Variants in DPP9 observed in about 807,000 individuals in gnomAD.
DPP9 encodes the protein dipeptidyl peptidase IV-related protein-2.
DPP9 carries 50 observed loss-of-function variants against 110.7 expected under a neutral mutation model. The ratio of observed to expected loss-of-function variants is 0.45; its 90% CI spans 0.36 to 0.57. The LOEUF (loss-of-function observed/expected upper bound fraction) is 0.57. DPP9 is among the 20% of genes least tolerant of loss of function. The pLI is 0.00. For synonymous variants in DPP9, 561 were observed against 514.4 expected (o/e 1.09, Z -1.23); for missense variants, 1,022 against 1,217.9 (o/e 0.84, Z 2.39).
At position 4,694,953 on chromosome 19, in the gene DPP9, C is replaced by G. The variant is rs2091662477; in HGVS notation, c.1354-130G>C. 4 of 819,150 alleles carry G rather than the reference C, an allele frequency of 4.9e-6. No individual in the cohort carries two copies. The highest frequency in any genetic ancestry group is 7.6e-6 in the Non-Finnish European group (4 of 524,268). The allele number at this position is 819,150 out of a possible 1,614,324, so 50.7% of individuals were successfully genotyped here. A position where few individuals can be genotyped will look rare whatever the true frequency, so the allele number is the denominator to read the frequency against. On this transcript the variant is annotated intron_variant, in intron 12 of 21. Transcript: ENST00000262960. This position sits in a 1 kb window ranked among gnomAD's most constrained non-coding sequence, Gnocchi z 4.0. ...GCTTGAGCCCAGGAATTTCAGAGACCAGCCTGGACAACATAGTAAGACCCC... is the reference window on the plus strand; with the variant it reads ...GCTTGAGCCCAGGAATTTCAGAGACGAGCCTGGACAACATAGTAAGACCCC...
chr19:4,681,517 G>A (rs983114494), intron 20 of DPP9, among the ~76,000 whole-genome samples: 3 of 151,506 alleles, frequency 2.0e-5, no homozygotes, highest in South Asian at 2.1e-4. Context: ...GGGTTTCACC[G>A]TGTTGGCTAG....
intron 16 of DPP9, among the ~76,000 whole-genome samples, chr19:4,686,343 G>A (rs2090717724): frequency 1.4e-5 from 2 of 141,192 alleles, no homozygotes; most frequent in African/African-American, 5.4e-5. Context: ...TTTTTGAGAC[G>A]GAGTCTCACT....
intron 18 of DPP9, 87 bp from the exon 19 acceptor site, chr19:4,683,716 C>A: frequency 6.2e-7 from 1 of 1,611,810 alleles, no homozygotes; most frequent in Non-Finnish European, 8.5e-7. Context: ...TTCAGGGCGT[C>A]TCTCCCTCTT....
chr19:4,717,749 G>A (rs528194839), intron 3 of DPP9: 21 of 152,368 alleles, frequency 1.4e-4, no homozygotes, highest in Admixed American at 1.0e-3. Flanking sequence ...CAGACAGGCC[G>A]AGGCTTGGTG....
At chr19:4,696,088 A>T (rs2091777997) in intron 11 of DPP9, among the ~76,000 whole-genome samples, 1 of 151,928 alleles carries the variant, frequency 6.6e-6, no homozygotes, top group African/African-American at 2.4e-5. Flanking sequence ...TTTAGTAGAG[A>T]CAAGGTTTCA....
chr19:4,707,065 T>C (rs1050369476), intron 4 of DPP9, among the ~76,000 whole-genome samples: 1 of 152,168 alleles, frequency 6.6e-6, no homozygotes, highest in Non-Finnish European at 1.5e-5. Context: ...ACTGATTTAA[T>C]CGAAGCTTCT....
rs1488275355 is a variant in DPP9, at chr19:4,682,173, C to T, written c.2474+523G>A. Among the ~76,000 whole-genome samples the T allele has an allele frequency of 6.6e-6, 1 of 152,062 alleles. No homozygotes were observed. The highest frequency in any genetic ancestry group is 2.4e-5 in the African/African-American group (1 of 41,406). On this transcript the variant is annotated intron_variant, in intron 20 of 21. Transcript: ENST00000262960. This position sits in a 1 kb window ranked among gnomAD's most constrained non-coding sequence, Gnocchi z 7.1. The stretch of plus-strand genomic sequence containing the variant: ...CATGCCCAGGCAGATTTTTAACCCC[C>T]TAGGTGACTGCATGGGATTCCGGGG...
At chr19:4,686,174 G>A (rs996658638) in intron 16 of DPP9, among the ~76,000 whole-genome samples, 5 of 150,300 alleles carry the variant, frequency 3.3e-5, no homozygotes, top group African/African-American at 7.4e-5. Flanking sequence ...TGCAACCTCC[G>A]CCTTCCTGGG....
intron 13 of DPP9, 96 bp from the exon 14 acceptor site, chr19:4,691,053 T>C: frequency 2.2e-6 from 2 of 904,776 alleles, no homozygotes; most frequent in Non-Finnish European, 3.5e-6. Flanking sequence ...AGACTCACCA[T>C]GGAGCCACTG....
Position 4,684,638 on chromosome 19 carries a change from CAGAG to C in DPP9, c.2178+21_2178+24del. 6.2e-7 allele frequency: 1 copy of C among 1,612,494 alleles called. No homozygotes were observed. The highest frequency in any genetic ancestry group is 8.5e-7 in the Non-Finnish European group (1 of 1,179,370). On this transcript the variant is annotated intron_variant, in intron 18 of 21. Coordinates refer to ENST00000262960, the MANE Select transcript of DPP9 (RefSeq NM_139159.5). This position sits in a 1 kb window ranked among gnomAD's most constrained non-coding sequence, Gnocchi z 4.8. ...CTCCCTTCCCGAGACCCAAAGGACC[CAGAG>C]CAACAGGGAGGAGTTGTTACCATTT...
intron 15 of DPP9, 87 bp from the exon 16 acceptor site, chr19:4,688,979 C>T (rs2091059283): frequency 1.5e-6 from 2 of 1,372,890 alleles, no homozygotes; most frequent in Non-Finnish European, 1.9e-6. Flanking sequence ...GGTAGCTTCC[C>T]TCCCGCCCGC....
chr19:4,720,006 T>A (rs1353235011), intron 2 of DPP9, 65 bp from the exon 3 acceptor site: 1 of 1,370,682 alleles, frequency 7.3e-7, no homozygotes, highest in East Asian at 2.5e-5. Context: ...TGGGCGCTCC[T>A]GCCCCCTTCG....
rs551209082 is a variant in DPP9, at chr19:4,685,489, C to T, written c.2031+137G>A. ...GAGGACCCTGTGTAGTCAGGGCAGG[C>T]GGGGTGGGCTGGGGCACCAGGCAGG... is the stretch of plus-strand genomic sequence containing the variant. On this transcript the variant is annotated intron_variant, in intron 17 of 21. Transcript: ENST00000262960. This position sits in a 1 kb window ranked among gnomAD's most constrained non-coding sequence, Gnocchi z 5.8. 329 of 986,970 alleles carry T rather than the reference C, an allele frequency of 3.3e-4. 4 individuals carry two copies. In the South Asian group the frequency reaches 4.3e-3, roughly 13 times the overall value. 61.1% of individuals were successfully genotyped at this position (986,970 alleles called of 1,614,324 possible). A position where few individuals can be genotyped will look rare whatever the true frequency, so the allele number is the denominator to read the frequency against.
Position 4,679,935 on chromosome 19 carries a change from A to C in DPP9, c.2486T>G (p.Leu829Trp). Reference sequence around the variant, plus strand: ...GTCCAGGAAGCCGTGGAGGATAAGCAAGCGGTTGGGCCTGGAAAACAGATG... The same window carrying C: ...GTCCAGGAAGCCGTGGAGGATAAGCCAGCGGTTGGGCCTGGAAAACAGATG... The part of the protein sequence containing the change: ...VEKLPNEPNR[L>W]LILHGFLDEN... The change falls in exon 21 of 22, where the codon TTG becomes TGG. Residue 829 changes from leucine (L) to tryptophan (W), a missense_variant. By Grantham distance (61) the Leu-to-Trp change is moderately conservative (BLOSUM62 -2). Transcript: ENST00000262960. 6.2e-7 allele frequency: 1 copy of C among 1,612,400 alleles called. No homozygotes were observed. Among genetic ancestry groups the C allele is most frequent in the Non-Finnish European group, 8.5e-7 (1 of 1,179,360 alleles).
intron 4 of DPP9, among the ~76,000 whole-genome samples, chr19:4,711,201 G>A (rs1250148233): frequency 6.6e-6 from 1 of 152,112 alleles, no homozygotes. Flanking sequence ...GGTCCACTGG[G>A]CTTTCTGCTC....
At position 4,683,649 on chromosome 19, in the gene DPP9, A is replaced by C; in HGVS notation, c.2179-20T>G. On this transcript the variant is annotated intron_variant, in intron 18 of 21. Transcript: ENST00000262960. ...CTGGCCCTGAGGGATGAAGCCGGGC[A>C]CCTCTCAGTGGCCTCCTCCCGGTAT... The C allele has an allele frequency of 6.2e-7, 1 of 1,612,896 alleles. No individual in the cohort carries two copies. Among genetic ancestry groups the C allele is most frequent in the Non-Finnish European group, 8.5e-7 (1 of 1,179,746 alleles).
At chr19:4,722,441 G>C in intron 2 of DPP9, 58 bp downstream of exon 2, 1 of 697,306 alleles carries the variant, frequency 1.4e-6, no homozygotes, top group Non-Finnish European at 2.6e-6. Flanking sequence ...AGCAGGCAAA[G>C]GAATCCCACC....
At chr19:4,722,301 G>A (rs58409125) in intron 2 of DPP9, 198 bp downstream of exon 2, 8,487 of 565,840 alleles carry the variant, frequency 0.015, 531 homozygotes, top group African/African-American at 0.14. Flanking sequence ...CCTTCCAGGG[G>A]CAGCTAGAGG....
At position 4,682,215 on chromosome 19, in the gene DPP9, G is replaced by A. The variant is rs898908904; in HGVS notation, c.2474+481C>T. Among the ~76,000 whole-genome samples the A allele has an allele frequency of 3.3e-5, 5 of 152,108 alleles. No individual in the cohort carries two copies. The highest frequency in any genetic ancestry group is 1.2e-4 in the African/African-American group (5 of 41,418). Reference sequence around the variant, plus strand: ...ATTCCGGGGAACATTTTCTGGAGACGTGCCAGAAAATGGGAACACTGTTTT... The same window carrying A: ...ATTCCGGGGAACATTTTCTGGAGACATGCCAGAAAATGGGAACACTGTTTT... On this transcript the variant is annotated intron_variant, in intron 20 of 21. Coordinates refer to ENST00000262960, the MANE Select transcript of DPP9 (RefSeq NM_139159.5). This position sits in a 1 kb window ranked among gnomAD's most constrained non-coding sequence, Gnocchi z 7.1.
Sources: gnomAD v4.1 joint callset for allele counts (sites outside exome capture counted in the v4.1 genomes callset) on GRCh38, gnomAD v4.1.1 for gene constraint, Gnocchi (gnomAD v3.1) non-coding constraint, MANE v1.5 for transcripts, NCBI Gene and HGNC (gene_info 2026-07-23, HGNC 2026-07-21) for gene names.